Variants in STAU2 observed in about 807,000 individuals in gnomAD.
The protein encoded by STAU2 is staufen double-stranded RNA binding protein 2.
In STAU2, 20 loss-of-function variants were observed where a neutral mutation model predicts 65.9. The observed-to-expected ratio is 0.30, with a 90% confidence interval of 0.21 to 0.44. The LOEUF (loss-of-function observed/expected upper bound fraction) is 0.44. STAU2 is among the 20% of genes least tolerant of loss of function. The pLI, the probability that STAU2 is intolerant of heterozygous loss-of-function variation, is 1.00. For missense variants in STAU2, 558 were observed against 683.9 expected (o/e 0.82, Z 2.05); for synonymous variants, 232 against 233.9 (o/e 0.99, Z 0.07).
chr8:73,666,235 C>T (rs1817234298), intron 6 of STAU2, among the ~76,000 whole-genome samples: 1 of 152,190 alleles, frequency 6.6e-6, no homozygotes, highest in South Asian at 2.1e-4. Context: ...ACACCAACAT[C>T]ACAATACTTA....
intron 1 of STAU2, among the ~76,000 whole-genome samples, chr8:73,740,759 G>A (rs879286716): frequency 3.9e-5 from 6 of 152,174 alleles, no homozygotes; most frequent in Admixed American, 2.6e-4. Context: ...TCAGCACTCC[G>A]GGAGGCCGAG....
At chr8:73,520,445 C>T (rs773433054) in intron 13 of STAU2, among the ~76,000 whole-genome samples, 28 of 152,230 alleles carry the variant, frequency 1.8e-4, no homozygotes, top group African/African-American at 3.4e-4. Context: ...TTTTAAAATA[C>T]GGCTACTAGA....
intron 12 of STAU2, among the ~76,000 whole-genome samples, chr8:73,578,837 T>C (rs557461728): frequency 2.6e-5 from 4 of 152,308 alleles, no homozygotes; most frequent in African/African-American, 9.6e-5. Context: ...GTTTTAACTG[T>C]CTCACTACAA....
intron 12 of STAU2, among the ~76,000 whole-genome samples, chr8:73,562,965 A>AAT (rs200868110): frequency 2.2e-3 from 336 of 151,626 alleles, no homozygotes; most frequent in African/African-American, 7.0e-3. Context: ...TTTTTAAAAT[A>AAT]ATATATATAT....
At chr8:73,648,265 GAA>G (rs1182115126) in intron 6 of STAU2, among the ~76,000 whole-genome samples, 1 of 152,032 alleles carries the variant, frequency 6.6e-6, no homozygotes, top group East Asian at 1.9e-4. Flanking sequence ...TTTTATTCTA[GAA>G]AAAATACGTT....
intron 6 of STAU2, among the ~76,000 whole-genome samples, chr8:73,668,727 G>A (rs1817424683): frequency 6.6e-6 from 1 of 151,006 alleles, no homozygotes; most frequent in African/African-American, 2.4e-5. Flanking sequence ...AACATCTTGG[G>A]CATAATAAAA....
chr8:73,532,435 C>A (rs10111318), intron 13 of STAU2, among the ~76,000 whole-genome samples: 44,360 of 151,778 alleles, frequency 0.29, 6,824 homozygotes, highest in Middle Eastern at 0.34. Flanking sequence ...CACCTGTAAT[C>A]CCAGTGCTTT....
At chr8:73,643,106 C>T (rs1053823720) in intron 6 of STAU2, among the ~76,000 whole-genome samples, 1 of 152,186 alleles carries the variant, frequency 6.6e-6, no homozygotes, top group African/African-American at 2.4e-5. Context: ...GTCTTAACTG[C>T]ACTCCAAATC....
intron 6 of STAU2, among the ~76,000 whole-genome samples, chr8:73,666,094 C>A (rs983569122): frequency 6.6e-6 from 1 of 152,032 alleles, no homozygotes; most frequent in South Asian, 2.1e-4. Flanking sequence ...GGATACAGAA[C>A]CCAGGGATAC....
intron 3 of STAU2, among the ~76,000 whole-genome samples, chr8:73,714,386 C>A (rs1821103757): frequency 6.6e-6 from 1 of 152,128 alleles, no homozygotes; most frequent in South Asian, 2.1e-4. Context: ...TTAACTAAAA[C>A]AAACCCTCTA....
chr8:73,746,712 G>A (rs1042823892), intron 1 of STAU2, 71 bp downstream of exon 1: 1 of 987,444 alleles, frequency 1.0e-6, no homozygotes, highest in African/African-American at 1.7e-5. Context: ...GGGCTCCCCA[G>A]CGCCCTCTGC....
chr8:73,597,562 T>G (rs2129643371), intron 10 of STAU2, among the ~76,000 whole-genome samples: 1 of 148,842 alleles, frequency 6.7e-6, no homozygotes, highest in Admixed American at 6.8e-5. Context: ...CCCAGCTACT[T>G]GAAAGGCTGA....
chr8:73,631,377 T>TAA (rs1367693947), intron 6 of STAU2, among the ~76,000 whole-genome samples: 1 of 133,356 alleles, frequency 7.5e-6, no homozygotes, highest in Non-Finnish European at 1.6e-5. Flanking sequence ...CCTCATCTCT[T>TAA]AAAAAAAAAA....
At chr8:73,709,259 T>C (rs1464443872) in intron 3 of STAU2, 97 bp from the exon 4 acceptor site, 1 of 1,083,766 alleles carries the variant, frequency 9.2e-7, no homozygotes, top group Non-Finnish European at 1.3e-6. Flanking sequence ...TATATTTAAA[T>C]TATTTTCATG....
intron 3 of STAU2, among the ~76,000 whole-genome samples, chr8:73,716,091 CT>C (rs376161218): frequency 0.23 from 28,989 of 125,130 alleles, 3,273 homozygotes; most frequent in East Asian, 0.38. Context: ...ATTTTTTTTT[CT>C]TTTTTTTTTT....
intron 5 of STAU2, among the ~76,000 whole-genome samples, chr8:73,679,343 C>T (rs1229184312): frequency 6.6e-6 from 1 of 152,154 alleles, no homozygotes; most frequent in East Asian, 1.9e-4. Flanking sequence ...GTAAACTCTG[C>T]TCCAAGAACC....
At chr8:73,435,553 C>T (rs1412858463) in intron 13 of STAU2, among the ~76,000 whole-genome samples, 1 of 151,794 alleles carries the variant, frequency 6.6e-6, no homozygotes, top group African/African-American at 2.4e-5. Context: ...CCCTCAACCC[C>T]ACCCTTGGGC....
chr8:73,638,049 G>C (rs1422295352), intron 6 of STAU2, among the ~76,000 whole-genome samples: 3 of 151,920 alleles, frequency 2.0e-5, no homozygotes, highest in Admixed American at 1.3e-4. Context: ...ATTACAGAAT[G>C]ATACTTTCTT....
At chr8:73,439,073 C>A (rs936625562) in intron 13 of STAU2, 1 of 456,214 alleles carries the variant, frequency 2.2e-6, no homozygotes, top group African/African-American at 2.0e-5. Flanking sequence ...TCTGGACTTC[C>A]CAGGGGGTTC....
Sources: allele counts gnomAD v4.1 joint callset (sites outside exome capture counted in the v4.1 genomes callset), GRCh38; gene constraint gnomAD v4.1.1; transcripts MANE v1.5; gene names NCBI Gene and HGNC (gene_info 2026-07-23, HGNC 2026-07-21).